The following SLMAP variants were observed in gnomAD, a reference collection of about 807,000 sequenced individuals.
The protein encoded by SLMAP is sarcolemmal membrane-associated protein.
SLMAP carries 44 observed loss-of-function variants against 128.8 expected under a neutral mutation model. The observed-to-expected ratio is 0.34, with a 90% CI of 0.27 to 0.44. The LOEUF is 0.44. Ranked by LOEUF, SLMAP falls within the 20% of genes least tolerant of loss-of-function variation. SLMAP has a pLI of 1.00. For synonymous variants in SLMAP, 327 were observed against 348.8 expected, an observed-to-expected ratio of 0.94 and a Z score of 0.70; for missense variants, 787 against 985.3, an observed-to-expected ratio of 0.80 and a Z score of 2.69.
In SLMAP at chr3:57,912,401, A is replaced by G. The variant is rs1331141521; in HGVS notation, c.1720A>G (p.Ile574Val). ...TGCAGCCCAATTGCAGAGGTTACAC[A>G]TCGATACTGAGAATCTCCGGGAGGA... ...VLQAQLQRLH[I>V]DTENLREEKD... Residue 574 changes from isoleucine to valine, a missense_variant, in exon 20 of 25, where the codon ATC (isoleucine) becomes GTC (valine). By Grantham distance (29) the Ile-to-Val change is conservative. This residue lies in a region of SLMAP where 715 missense variants were observed against 843.6 expected (regional missense o/e 0.85). Coordinates refer to ENST00000671191, the MANE Select transcript of SLMAP (RefSeq NM_001377540.1). 9.3e-6 allele frequency: 15 copies of G among 1,612,832 alleles called. No individual in the cohort carries two copies. The highest frequency in any genetic ancestry group is 1.6e-4 in the Middle Eastern group (1 of 6,078).
chr3:57,833,625 G>C (rs2093468189), intron 3 of SLMAP, among the ~76,000 whole-genome samples: 1 of 151,848 alleles, frequency 6.6e-6, no homozygotes, highest in Non-Finnish European at 1.5e-5. Flanking sequence ...TCACCATGTT[G>C]GCCAGGATGG....
chr3:57,890,263 C>T, intron 15 of SLMAP, 163 bp downstream of exon 15: 1 of 560,868 alleles, frequency 1.8e-6, no homozygotes, highest in Non-Finnish European at 3.1e-6. Flanking sequence ...AATCAGACTT[C>T]TGTTTTAAGA....
intron 2 of SLMAP, among the ~76,000 whole-genome samples, chr3:57,817,871 C>G (rs766833316): frequency 6.6e-5 from 10 of 152,126 alleles, no homozygotes; most frequent in Non-Finnish European, 1.2e-4. Flanking sequence ...CTTACCTTTC[C>G]TGATGATTTG....
At chr3:57,790,729 A>G (rs2085284717) in intron 2 of SLMAP, among the ~76,000 whole-genome samples, 1 of 152,226 alleles carries the variant, frequency 6.6e-6, no homozygotes, top group African/African-American at 2.4e-5. Context: ...TTTATACCAT[A>G]TAAAATAAGG....
At chr3:57,843,010 TAAAC>T (rs1477418647) in intron 4 of SLMAP, among the ~76,000 whole-genome samples, 4 of 152,176 alleles carry the variant, frequency 2.6e-5, no homozygotes, top group Non-Finnish European at 4.4e-5. Flanking sequence ...TTATGAGAAT[TAAAC>T]AAGATTTAGT....
chr3:57,803,921 CTT>C (rs908300090), intron 2 of SLMAP, among the ~76,000 whole-genome samples: 2 of 152,240 alleles, frequency 1.3e-5, no homozygotes, highest in African/African-American at 4.8e-5. Context: ...GCTTTCTACT[CTT>C]TACCGATTTT....
chr3:57,818,832 A>C (rs946786175), intron 2 of SLMAP, among the ~76,000 whole-genome samples: 2 of 152,262 alleles, frequency 1.3e-5, no homozygotes, highest in African/African-American at 4.8e-5. Flanking sequence ...TGTTTAAGTC[A>C]TAAATAGAGA....
intron 2 of SLMAP, among the ~76,000 whole-genome samples, chr3:57,779,199 G>A (rs1279252979): frequency 6.6e-6 from 1 of 152,096 alleles, no homozygotes; most frequent in Non-Finnish European, 1.5e-5. Flanking sequence ...ACACTGTGAT[G>A]TCATTTAAGA....
rs2095011914 is a variant in SLMAP at position 57,860,735 on chromosome 3, G to A, written c.724G>A (p.Ala242Thr). Residue 242 changes from alanine to threonine, a missense_variant, in exon 9 of 25, where the codon GCA becomes ACA. Coordinates refer to ENST00000671191, the MANE Select transcript of SLMAP (RefSeq NM_001377540.1). ...TEDSLRKELI[A>T]LQEDKHNYET... ...AGATAGTTTACGAAAGGAACTTATA[G>A]CATTACAAGAGGATAAACATAACTA... 1 of 1,589,718 alleles carries A rather than the reference G, an allele frequency of 6.3e-7. No individual in the cohort carries two copies. The highest frequency in any genetic ancestry group is 1.9e-5 in the Admixed American group (1 of 52,898).
At chr3:57,859,544 G>A (rs1318105258) in intron 8 of SLMAP, among the ~76,000 whole-genome samples, 7 of 152,024 alleles carry the variant, frequency 4.6e-5, no homozygotes, top group Non-Finnish European at 8.8e-5. Context: ...GACAAAGAGA[G>A]ACCCTGTCTC....
At chr3:57,869,947 A>C (rs1050139325) in intron 13 of SLMAP, among the ~76,000 whole-genome samples, 4 of 151,764 alleles carry the variant, frequency 2.6e-5, no homozygotes, top group African/African-American at 9.6e-5. Flanking sequence ...ATATAAATAA[A>C]ATGTATTTTA....
At chr3:57,908,608 A>G (rs1258313957) in intron 18 of SLMAP, among the ~76,000 whole-genome samples, 1 of 152,228 alleles carries the variant, frequency 6.6e-6, no homozygotes, top group South Asian at 2.1e-4. Context: ...CTAATTCTCA[A>G]AGAAATTAGA....
In SLMAP at chr3:57,834,580, A is replaced by G. The variant is rs572735590; in HGVS notation, c.346+3050A>G. Among the ~76,000 whole-genome samples, 4 of 152,242 alleles carry G rather than the reference A, an allele frequency of 2.6e-5. No homozygotes were observed. The South Asian group carries it at 8.3e-4, about 32-fold the overall frequency. On this transcript the variant is annotated intron_variant, in intron 3 of 24. Coordinates refer to ENST00000671191, the MANE Select transcript of SLMAP (RefSeq NM_001377540.1). ...TTGATTGTTTTTGAAAGAGACTAAA[A>G]AGTTATTAAAGATTCACCATTGAAA...
intron 14 of SLMAP, among the ~76,000 whole-genome samples, chr3:57,885,048 T>C (rs1312302753): frequency 1.3e-5 from 2 of 149,422 alleles, no homozygotes; most frequent in Non-Finnish European, 3.0e-5. Context: ...AGGGAAGAAA[T>C]AGGAAAAAGG....
chr3:57,870,186 G>A (rs2095447248), intron 13 of SLMAP, among the ~76,000 whole-genome samples: 1 of 151,912 alleles, frequency 6.6e-6, no homozygotes, highest in South Asian at 2.1e-4. Context: ...CATTCCAAAT[G>A]AGTTTATATA....
At chr3:57,884,029 A>T (rs888551098) in intron 14 of SLMAP, among the ~76,000 whole-genome samples, 2 of 147,604 alleles carry the variant, frequency 1.4e-5, no homozygotes, top group Non-Finnish European at 3.0e-5. Context: ...CCTCGCAGGT[A>T]TCGATCCTCC....
chr3:57,866,273 AAAAAGAAAAGAAAAG>A lies in SLMAP; in HGVS notation c.1237+993_1237+1007del, dbSNP rs3037507. Among the ~76,000 whole-genome samples, 1,056 of 150,582 alleles carry A rather than the reference AAAAAGAAAAGAAAAG, an allele frequency of 7.0e-3. 5 individuals carry two copies. Among genetic ancestry groups the A allele is most frequent in the Non-Finnish European group, 0.01 (693 of 67,594 alleles). The stretch of plus-strand genomic sequence containing the variant: ...GGTGACGAGCAAGGCCCTGTCTTTA[AAAAAGAAAAGAAAAG>A]AAAAGAAAAGACAAAATATTTTTTC... On this transcript the variant is annotated intron_variant, in intron 13 of 24. Coordinates refer to ENST00000671191, the MANE Select transcript of SLMAP (RefSeq NM_001377540.1).
intron 2 of SLMAP, among the ~76,000 whole-genome samples, chr3:57,799,133 AAGGTAGGAGTTTGCC>A (rs2153488438): frequency 6.6e-6 from 1 of 152,292 alleles, no homozygotes; most frequent in Non-Finnish European, 1.5e-5. Flanking sequence ...CAGGAAGCAA[AAGGTAGGAGTTTGCC>A]ACAGTTAAGG....
chr3:57,929,129 G>T lies in SLMAP; in HGVS notation c.*1840G>T, dbSNP rs1317710719. ...GATTAAACTATTTGCACTAACACAC[G>T]TGACGTGCATGATTTAATAAAATAA... On this transcript the variant is annotated 3_prime_UTR_variant, in exon 25 of 25. Transcript: ENST00000671191. 6.6e-6 allele frequency: 1 copy of T among 152,534 alleles called. No homozygotes were observed. Among genetic ancestry groups the T allele is most frequent in the East Asian group, 1.9e-4 (1 of 5,202 alleles). The allele number at this position is 152,534 out of a possible 1,614,324, so 9.4% of individuals were successfully genotyped here.
Sources: allele counts gnomAD v4.1 joint callset (sites outside exome capture counted in the v4.1 genomes callset), GRCh38; gene constraint gnomAD v4.1.1; regional missense constraint gnomAD v4.1.1; transcripts MANE v1.5; gene names NCBI Gene and HGNC (gene_info 2026-07-23, HGNC 2026-07-21).